The following COL12A1 variants were observed in gnomAD, a reference collection of about 807,000 sequenced individuals.
The protein encoded by COL12A1 is collagen alpha-1(XII) chain.
A neutral mutation model predicts 349.7 loss-of-function variants in COL12A1; 114 were observed. The ratio of observed to expected loss-of-function variants is 0.33; its 90% CI spans 0.28 to 0.38. The LOEUF is 0.38. Ranked by LOEUF, COL12A1 falls within the 10% of genes least tolerant of loss-of-function variation. The pLI is 1.00. For synonymous variants in COL12A1, 1,369 were observed against 1,329.0 expected (o/e 1.03, Z -0.66); for missense variants, 3,284 against 3,756.9 (o/e 0.87, Z 3.29).
chr6:75,167,452 A>G (rs941876505), intron 13 of COL12A1, among the ~76,000 whole-genome samples: 3 of 152,212 alleles, frequency 2.0e-5, no homozygotes, highest in African/African-American at 7.2e-5. Flanking sequence ...GTTTCAAAAA[A>G]GTATCAGACA....
rs754804150 is a variant in COL12A1 at position 75,124,044 on chromosome 6, A to C, written c.6775T>G (p.Phe2259Val). 2 of 1,614,046 alleles carry C rather than the reference A, an allele frequency of 1.2e-6. No individual in the cohort carries two copies. The highest frequency in any genetic ancestry group is 1.7e-5 in the Admixed American group (1 of 60,014). ...TCAGTGTCTGGTGAAAGGCCAGTGA[A>C]GCAGTGACTGGTTTCTGATCCACGC... The part of the protein sequence containing the change: ...TVRGSETSHC[F>V]TGLSPDTDYG... Residue 2259 changes from phenylalanine to valine, a missense_variant, in exon 42 of 66, where the codon TTC becomes GTC. Around this residue, in one of 2 missense-constraint regions of COL12A1, gnomAD observed 2,601 missense variants for 2,824.8 expected, o/e 0.92. Transcript: ENST00000322507.
chr6:75,125,682 A>C (rs979910733), intron 39 of COL12A1, among the ~76,000 whole-genome samples: 1 of 152,090 alleles, frequency 6.6e-6, no homozygotes, highest in South Asian at 2.1e-4. Flanking sequence ...TTTGGCTGCT[A>C]AACTCCTTAG....
intron 14 of COL12A1, among the ~76,000 whole-genome samples, chr6:75,156,983 A>G (rs973057202): frequency 6.6e-6 from 1 of 152,174 alleles, no homozygotes; most frequent in Non-Finnish European, 1.5e-5. Flanking sequence ...TGTAGTTAAC[A>G]CCATTCTTAT....
intron 10 of COL12A1, 106 bp from the exon 11 acceptor site, chr6:75,181,317 T>C (rs1769277925): frequency 9.0e-7 from 1 of 1,112,886 alleles, no homozygotes; most frequent in Admixed American, 2.7e-5. Context: ...TTTGGGAGAA[T>C]GGTGCTCATT....
Position 75,188,516 on chromosome 6 carries a change from T to C in COL12A1, c.843A>G (p.Ala281=). ...TGGAGGCAATTTGTTTGAGTTCTTT[T>C]GCATCTGCAGCTTTAATGCCTTCAA... ...VFSLGIKAAD[A]KELKQIASTP... is the part of the protein sequence containing the mutation. Residue 281 remains alanine, a synonymous_variant, in exon 8 of 66, where the codon GCA becomes GCG. Coordinates refer to ENST00000322507, the MANE Select transcript of COL12A1 (RefSeq NM_004370.6). 1 of 1,613,058 alleles carries C rather than the reference T, an allele frequency of 6.2e-7. No individual in the cohort carries two copies.
At chr6:75,174,453 T>C (rs938908862) in intron 13 of COL12A1, among the ~76,000 whole-genome samples, 11 of 152,008 alleles carry the variant, frequency 7.2e-5, no homozygotes, top group Admixed American at 6.6e-5. Context: ...CTACTTGGGA[T>C]GCTGAGGCAG....
rs199994914 is a variant in COL12A1 at position 75,183,120 on chromosome 6, C to T, written c.1821G>A (p.Arg607=). 32 of 1,614,128 alleles carry T rather than the reference C, an allele frequency of 2.0e-5. No individual in the cohort carries two copies. The African/African-American group carries it at 2.7e-4, about 13-fold the overall frequency. ...FTVEDFDAFQ[R]ISFELTQSIC... ...TAGACTGTGTGAGTTCAAAAGATAT[C>T]CTCTGAAAAGCATCAAAATCTTCCA... Residue 607 remains arginine (R), a synonymous_variant, in exon 10 of 66, where the codon AGG becomes AGA. Transcript: ENST00000322507.
chr6:75,138,495 T>G lies in COL12A1; in HGVS notation c.5183A>C (p.Tyr1728Ser), dbSNP rs1766735553. The change falls in exon 29 of 66, where the codon TAT (tyrosine) becomes TCT (serine). Residue 1728 changes from tyrosine (Y) to serine (S), a missense_variant. Physicochemically the swap from Tyr to Ser is moderately radical, Grantham distance 144. Coordinates refer to ENST00000322507, the MANE Select transcript of COL12A1 (RefSeq NM_004370.6). ...GTCATCACTTTCTGACTCATCAGGATAGATGGCAGTAATGGAAACTTCATA... is the reference window on the plus strand; with the variant it reads ...GTCATCACTTTCTGACTCATCAGGAGAGATGGCAGTAATGGAAACTTCATA... ...TIYEVSITAI[Y>S]PDESESDDLI... 6.2e-7 allele frequency: 1 copy of G among 1,613,956 alleles called. No homozygotes were observed. Among genetic ancestry groups the G allele is most frequent in the Non-Finnish European group, 8.5e-7 (1 of 1,179,970 alleles).
chr6:75,141,513 A>G (rs1268541973), intron 27 of COL12A1, among the ~76,000 whole-genome samples: 1 of 152,188 alleles, frequency 6.6e-6, no homozygotes, highest in East Asian at 1.9e-4. Context: ...TTCCTCTGAA[A>G]TCTGACAGCA....
Position 75,156,373 on chromosome 6 carries a change from G to C in COL12A1, c.3134C>G (p.Pro1045Arg), listed in dbSNP as rs1306269310. The change falls in exon 15 of 66, where the codon CCC becomes CGC. Residue 1045 changes from proline (P) to arginine (R), a missense_variant. Transcript: ENST00000322507. ...RGKQMVAKVP[P>R]TVTSTVLKRL... ...CTTTAACACTGTCGAAGTGACTGTGGGGGGCACCTTAGCAACCATTTGCTT... is the reference window on the plus strand; with the variant it reads ...CTTTAACACTGTCGAAGTGACTGTGCGGGGCACCTTAGCAACCATTTGCTT... The C allele has an allele frequency of 6.2e-7, 1 of 1,613,870 alleles. No homozygotes were observed. Among genetic ancestry groups the C allele is most frequent in the South Asian group, 1.1e-5 (1 of 91,072 alleles).
At chr6:75,186,904 G>A (rs554060402) in intron 8 of COL12A1, among the ~76,000 whole-genome samples, 1 of 152,098 alleles carries the variant, frequency 6.6e-6, no homozygotes, top group African/African-American at 2.4e-5. Context: ...GCTTATAAGT[G>A]GGGGCTAAAT....
intron 42 of COL12A1, 74 bp from the exon 43 acceptor site, chr6:75,123,478 G>A: frequency 8.3e-7 from 1 of 1,211,440 alleles, no homozygotes; most frequent in Non-Finnish European, 1.2e-6. Context: ...AATTTTAAGA[G>A]CAATTTAAAT....
rs773212018 is a variant in COL12A1 at position 75,175,190 on chromosome 6, C to T, written c.2558G>A (p.Gly853Glu). The T allele has an allele frequency of 1.2e-6, 2 of 1,614,044 alleles. No homozygotes were observed. The highest frequency in any genetic ancestry group is 4.5e-5 in the East Asian group (2 of 44,888). ...CACAGTGACCTCTTGAGTTTCACCC[C>T]CTGCCACTGGGGTATATGTGACGAG... is the stretch of plus-strand genomic sequence containing the variant. Reference protein sequence around the residue: ...QYLVTYTPVAGGETQEVTVRG... With the variant: ...QYLVTYTPVAEGETQEVTVRG... Residue 853 changes from glycine to glutamate, a missense_variant, in exon 13 of 66, where the codon GGG becomes GAG. By Grantham distance (98) the Gly-to-Glu change is moderately conservative. Transcript: ENST00000322507.
chr6:75,177,288 T>C (rs1400248462), intron 12 of COL12A1, among the ~76,000 whole-genome samples: 2 of 151,904 alleles, frequency 1.3e-5, no homozygotes, highest in Non-Finnish European at 2.9e-5. Flanking sequence ...AATACAAAAA[T>C]TAGCTGGGTG....
chr6:75,086,407 G>T lies in COL12A1; in HGVS notation c.*140C>A. 1 of 578,946 alleles carries T rather than the reference G, an allele frequency of 1.7e-6. No homozygotes were observed. Among genetic ancestry groups the T allele is most frequent in the Non-Finnish European group, 2.9e-6 (1 of 340,852 alleles). The allele number at this position is 578,946 out of a possible 1,614,324, so 35.9% of individuals were successfully genotyped here. A position where few individuals can be genotyped will look rare whatever the true frequency, so the allele number is the denominator to read the frequency against. ...AAGAGTCTCCACCCTCCTTTGTGAT[G>T]TCGACCCGGTTCGTTAACCATTATC... On this transcript the variant is annotated 3_prime_UTR_variant, in exon 66 of 66. Transcript: ENST00000322507.
chr6:75,115,263 A>T (rs1456062483), intron 49 of COL12A1, among the ~76,000 whole-genome samples: 1 of 152,168 alleles, frequency 6.6e-6, no homozygotes, highest in East Asian at 1.9e-4. Context: ...GAGTTCAGTT[A>T]TCATACTCAG....
intron 51 of COL12A1, among the ~76,000 whole-genome samples, chr6:75,112,193 C>T (rs992547447): frequency 6.6e-6 from 1 of 151,714 alleles, no homozygotes; most frequent in Non-Finnish European, 1.5e-5. Flanking sequence ...AGGGGAACAA[C>T]ACACACTGCG....
At chr6:75,131,087 C>T (rs1395616455) in intron 35 of COL12A1, 106 bp from the exon 36 acceptor site, 1 of 1,447,804 alleles carries the variant, frequency 6.9e-7, no homozygotes. Context: ...TGAGCCCAGA[C>T]ACATCAGAAG....
intron 24 of COL12A1, 102 bp from the exon 25 acceptor site, chr6:75,145,557 C>G: frequency 9.0e-7 from 1 of 1,109,742 alleles, no homozygotes; most frequent in Non-Finnish European, 1.2e-6. Context: ...GATTATAATA[C>G]AGCTTGTATT....
Sources: gnomAD v4.1 joint callset for allele counts (sites outside exome capture counted in the v4.1 genomes callset) on GRCh38, gnomAD v4.1.1 for gene constraint, gnomAD v4.1.1 regional missense constraint, MANE v1.5 for transcripts, NCBI Gene and HGNC (gene_info 2026-07-23, HGNC 2026-07-21) for gene names.